Variants in SMAD3 observed in about 807,000 individuals in gnomAD.
The protein encoded by SMAD3 is MAD homolog 3.
A neutral mutation model predicts 51.8 loss-of-function variants in SMAD3; 12 were observed. That is an observed-to-expected ratio of 0.23 (90% CI 0.15 to 0.38). SMAD3 has a LOEUF of 0.38. Among genes scored for constraint, SMAD3 ranks in the 10% least tolerant of loss-of-function variants. The probability of loss-of-function intolerance (pLI) is 1.00; values close to 1 mark genes in which losing one functional copy is unlikely to be tolerated. For synonymous variants in SMAD3, 238 were observed against 227.7 expected, an observed-to-expected ratio of 1.05 and a Z score of -0.41; for missense variants, 294 against 565.6, an observed-to-expected ratio of 0.52 and a Z score of 4.87.
chr15:67,066,365 G>A lies in SMAD3; in HGVS notation c.206+5G>A, dbSNP rs1959917032. 6.2e-7 allele frequency: 1 copy of A among 1,610,488 alleles called. No homozygotes were observed. Among genetic ancestry groups the A allele is most frequent in the African/African-American group, 1.3e-5 (1 of 74,834 alleles). On this transcript the variant is annotated splice_donor_5th_base_variant and intron_variant, in intron 1 of 8. Transcript: ENST00000327367. ...CAAGTGCATCACCATCCCCAGGTGGGGGCCCGCCCGGGGGGGACCCGGGGT... is the reference window on the plus strand; with the variant it reads ...CAAGTGCATCACCATCCCCAGGTGGAGGCCCGCCCGGGGGGGACCCGGGGT...
At chr15:67,079,688 A>G (rs564586084) in intron 1 of SMAD3, among the ~76,000 whole-genome samples, 1 of 152,264 alleles carries the variant, frequency 6.6e-6, no homozygotes, top group African/African-American at 2.4e-5. Flanking sequence ...CTGGGTACTT[A>G]TGTATTTATG....
intron 1 of SMAD3, among the ~76,000 whole-genome samples, chr15:67,153,246 C>T (rs1314739775): frequency 6.6e-6 from 1 of 152,122 alleles, no homozygotes; most frequent in African/African-American, 2.4e-5. Context: ...AATCCAAGCA[C>T]TTTGGGAGGC....
chr15:67,187,136 T>A (rs1002483659), intron 7 of SMAD3: 2 of 676,530 alleles, frequency 3.0e-6, no homozygotes, highest in Non-Finnish European at 5.4e-6. Flanking sequence ...TGCAGGTATG[T>A]CAGTGGCACC....
At chr15:67,134,975 A>G (rs1961621362) in intron 1 of SMAD3, among the ~76,000 whole-genome samples, 1 of 152,146 alleles carries the variant, frequency 6.6e-6, no homozygotes, top group Admixed American at 6.5e-5. Context: ...GCTGCCCTTC[A>G]GCCCCCAGGG....
intron 1 of SMAD3, among the ~76,000 whole-genome samples, chr15:67,094,247 T>C (rs1370638276): frequency 6.6e-6 from 1 of 152,184 alleles, no homozygotes. Flanking sequence ...CGCTTAGGGC[T>C]GTGACCAGAA....
chr15:67,150,850 T>C (rs1180311724), intron 1 of SMAD3, among the ~76,000 whole-genome samples: 1 of 85,698 alleles, frequency 1.2e-5, no homozygotes, highest in African/African-American at 4.2e-5. Context: ...TCTCAGTCTT[T>C]TTTTTTTTTT....
intron 1 of SMAD3, 146 bp from the exon 2 acceptor site, chr15:67,164,749 A>G (rs1460864073): frequency 1.2e-6 from 1 of 854,830 alleles, no homozygotes; most frequent in Non-Finnish European, 2.0e-6. Context: ...CTCAGCTAGC[A>G]GTGCTCTGAT....
chr15:67,194,813 C>T lies in SMAD3; in HGVS notation c.*4277C>T. 4.3e-6 allele frequency: 1 copy of T among 232,794 alleles called. No individual in the cohort carries two copies. The highest frequency in any genetic ancestry group is 6.0e-5 in the East Asian group (1 of 16,594). The allele number at this position is 232,794 out of a possible 1,614,324, so 14.4% of individuals were successfully genotyped here. A position where few individuals can be genotyped will look rare whatever the true frequency, so the allele number is the denominator to read the frequency against. On this transcript the variant is annotated 3_prime_UTR_variant, in exon 9 of 9. Coordinates refer to ENST00000327367, the MANE Select transcript of SMAD3 (RefSeq NM_005902.4). ...CCACAAGGGTCCTCTGAACCAAGCC[C>T]CACTCCCTTGCTAGGGGTGAAAGCA...
At position 67,181,335 on chromosome 15, in the gene SMAD3, G is replaced by A. The variant is rs975704644; in HGVS notation, c.753G>A (p.Ser251=). The A allele has an allele frequency of 2.4e-5, 38 of 1,614,032 alleles. No individual in the cohort carries two copies. Among genetic ancestry groups the A allele is most frequent in the South Asian group, 9.9e-5 (9 of 91,062 alleles). ...NQRVGETFHA[S]QPSMTVDGFT... ...GCGTCGGGGAGACATTCCACGCCTC[G>A]CAGCCATCCATGACTGTGGATGGCT... Residue 251 remains serine (S), a synonymous_variant, in exon 6 of 9, where the codon TCG becomes TCA. Transcript: ENST00000327367.
At chr15:67,144,840 A>C (rs1391022702) in intron 1 of SMAD3, among the ~76,000 whole-genome samples, 1 of 152,166 alleles carries the variant, frequency 6.6e-6, no homozygotes, top group Non-Finnish European at 1.5e-5. Flanking sequence ...GGTTTTTCAC[A>C]GCCAGGCATG....
At chr15:67,091,894 A>G (rs1960515376) in intron 1 of SMAD3, among the ~76,000 whole-genome samples, 1 of 152,218 alleles carries the variant, frequency 6.6e-6, no homozygotes, top group Non-Finnish European at 1.5e-5. Context: ...AAAGCAGCTG[A>G]GAAGCCACAA....
intron 1 of SMAD3, among the ~76,000 whole-genome samples, chr15:67,112,211 G>A (rs1381756251): frequency 2.8e-5 from 4 of 141,784 alleles, no homozygotes; most frequent in Non-Finnish European, 4.5e-5. Flanking sequence ...GTGCAATGGC[G>A]CCATCTCAGC....
chr15:67,141,002 G>A (rs1366603768), intron 1 of SMAD3, among the ~76,000 whole-genome samples: 1 of 152,150 alleles, frequency 6.6e-6, no homozygotes, highest in African/African-American at 2.4e-5. Flanking sequence ...GTAAAAGTTG[G>A]CAACCATTTA....
At chr15:67,133,132 C>G (rs1490319940) in intron 1 of SMAD3, among the ~76,000 whole-genome samples, 1 of 152,214 alleles carries the variant, frequency 6.6e-6, no homozygotes, top group African/African-American at 2.4e-5. Context: ...CAGCAGAGAC[C>G]ATGGCCTCCC....
At chr15:67,140,454 A>G (rs1961788076) in intron 1 of SMAD3, among the ~76,000 whole-genome samples, 1 of 152,182 alleles carries the variant, frequency 6.6e-6, no homozygotes, top group Non-Finnish European at 1.5e-5. Context: ...CCTTAGCAGC[A>G]TGCTGCAGAA....
At chr15:67,079,205 C>T (rs774948242) in intron 1 of SMAD3, among the ~76,000 whole-genome samples, 1 of 151,946 alleles carries the variant, frequency 6.6e-6, no homozygotes, top group African/African-American at 2.4e-5. Context: ...CTCGAACTCC[C>T]GACCTCAGGT....
chr15:67,094,055 G>A (rs1414380549), intron 1 of SMAD3, among the ~76,000 whole-genome samples: 8 of 152,230 alleles, frequency 5.3e-5, no homozygotes, highest in Non-Finnish European at 1.2e-4. Flanking sequence ...TGCTTCCCAG[G>A]CCCACACTTC....
In SMAD3 at chr15:67,165,335, C is replaced by A. The variant is rs202203039; in HGVS notation, c.483C>A (p.Pro161=). ...PPLDDYSHSI[P]ENTNFPAGIE... ...TGGACGACTACAGCCATTCCATCCC[C>A]GAAAACACTAACTTCCCCGCAGGCA... Residue 161 remains proline (P), a synonymous_variant, in exon 3 of 9, where the codon CCC becomes CCA. Transcript: ENST00000327367. 3 of 1,614,234 alleles carry A rather than the reference C, an allele frequency of 1.9e-6. No individual in the cohort carries two copies. The East Asian group carries it at 6.7e-5, about 36-fold the overall frequency.
intron 1 of SMAD3, among the ~76,000 whole-genome samples, chr15:67,140,270 T>C (rs984862104): frequency 6.6e-6 from 1 of 152,234 alleles, no homozygotes; most frequent in African/African-American, 2.4e-5. Flanking sequence ...AAAACCTCCT[T>C]TCTCTCTTCC....
Sources: allele counts gnomAD v4.1 joint callset (sites outside exome capture counted in the v4.1 genomes callset), GRCh38; gene constraint gnomAD v4.1.1; transcripts MANE v1.5; gene names NCBI Gene and HGNC (gene_info 2026-07-23, HGNC 2026-07-21).